The following TASOR variants were observed in gnomAD, a reference collection of about 807,000 sequenced individuals.
The protein encoded by TASOR is protein TASOR.
In TASOR, 53 loss-of-function variants were observed where a neutral mutation model predicts 178.6. The ratio of observed to expected loss-of-function variants is 0.30; its 90% CI spans 0.24 to 0.37. The LOEUF is 0.37. Ranked by LOEUF, TASOR falls within the 10% of genes least tolerant of loss-of-function variation. The pLI is 1.00. For missense variants in TASOR, 1,815 were observed against 1,971.4 expected, an observed-to-expected ratio of 0.92 and a Z score of 1.50; for synonymous variants, 713 against 696.2, an observed-to-expected ratio of 1.02 and a Z score of -0.38.
intron 17 of TASOR, among the ~76,000 whole-genome samples, chr3:56,637,152 G>C (rs1016949523): frequency 2.6e-5 from 4 of 152,208 alleles, no homozygotes; most frequent in African/African-American, 4.8e-5. Context: ...ACTTACTTGG[G>C]AACAAGGAGA....
chr3:56,638,662 G>A (rs2077063742), intron 17 of TASOR, 44 bp downstream of exon 17: 1 of 1,606,492 alleles, frequency 6.2e-7, no homozygotes, highest in Non-Finnish European at 8.5e-7. Flanking sequence ...TAGCAACTCT[G>A]AAGAAGGGCA....
At chr3:56,655,197 G>C (rs763133121) in intron 11 of TASOR, among the ~76,000 whole-genome samples, 3 of 152,028 alleles carry the variant, frequency 2.0e-5, no homozygotes, top group African/African-American at 4.8e-5. Context: ...ATGTTATAAG[G>C]CTTTTTTTTC....
chr3:56,673,514 A>AT (rs2030962017), intron 2 of TASOR, 66 bp downstream of exon 2: 4 of 1,283,394 alleles, frequency 3.1e-6, no homozygotes, highest in Middle Eastern at 2.0e-4. Context: ...TCTAGAGAAC[A>AT]TTTTTTTCCC....
rs371461299 is a variant in TASOR, at chr3:56,633,369, G to C, written c.3422C>G (p.Pro1141Arg). The change falls in exon 18 of 24, where the codon CCT becomes CGT. Residue 1141 changes from proline (P) to arginine (R), a missense_variant. Transcript: ENST00000683822. ...KHLLEPLCSD[P>R]LKDTNSDEQH... ...CTCATCAGAGTTGGTATCTTTCAAA[G>C]GATCACTACACAGTGGCTCAAGGAG... The C allele has an allele frequency of 1.6e-5, 26 of 1,614,028 alleles. No homozygotes were observed. The highest frequency in any genetic ancestry group is 2.2e-5 in the Non-Finnish European group (26 of 1,180,024).
chr3:56,627,109 A>C lies in TASOR; in HGVS notation c.4067T>G (p.Leu1356Arg), dbSNP rs1209496533. The change falls in exon 21 of 24, where the codon CTT becomes CGT. Residue 1356 changes from leucine (L) to arginine (R), a missense_variant. Coordinates refer to ENST00000683822, the MANE Select transcript of TASOR (RefSeq NM_001365635.2). Reference sequence around the variant, plus strand: ...TTGCCATTTTCCTTCTGGAGTACTAAGTTCCTCAAGGAATGTCAAAAAATT... The same window carrying C: ...TTGCCATTTTCCTTCTGGAGTACTACGTTCCTCAAGGAATGTCAAAAAATT... ...LKNFLTFLEELSTPEGKWQWK... is the reference protein window; with the variant it reads ...LKNFLTFLEERSTPEGKWQWK... The C allele has an allele frequency of 1.2e-6, 2 of 1,612,060 alleles. No individual in the cohort carries two copies. The highest frequency in any genetic ancestry group is 2.7e-5 in the African/African-American group (2 of 74,808).
chr3:56,666,167 G>A, intron 7 of TASOR, 93 bp downstream of exon 7: 1 of 1,094,016 alleles, frequency 9.1e-7, no homozygotes, highest in Non-Finnish European at 1.2e-6. Context: ...AAAAAAAAAT[G>A]GGAAGGAAAC....
At chr3:56,649,837 G>A (rs780992458) in intron 11 of TASOR, among the ~76,000 whole-genome samples, 30 of 152,220 alleles carry the variant, frequency 2.0e-4, no homozygotes, top group Non-Finnish European at 3.2e-4. Flanking sequence ...ATGAGCAAAG[G>A]TGAGTTGTAA....
intron 11 of TASOR, among the ~76,000 whole-genome samples, chr3:56,658,833 G>A (rs535439752): frequency 1.3e-5 from 2 of 152,022 alleles, no homozygotes; most frequent in African/African-American, 4.8e-5. Flanking sequence ...CTTGAACCCG[G>A]AAGGTTGAAC....
chr3:56,649,522 C>T lies in TASOR; in HGVS notation c.1369-465G>A, dbSNP rs933213823. On this transcript the variant is annotated intron_variant, in intron 11 of 23. Coordinates refer to ENST00000683822, the MANE Select transcript of TASOR (RefSeq NM_001365635.2). ...TCTAACTGCACACATATTACATGAACACTTTTCACATGTAAGGGAATTTGC... is the reference window on the plus strand; with the variant it reads ...TCTAACTGCACACATATTACATGAATACTTTTCACATGTAAGGGAATTTGC... Among the ~76,000 whole-genome samples, 3 of 152,180 alleles carry T rather than the reference C, an allele frequency of 2.0e-5. No homozygotes were observed. In the East Asian group the frequency reaches 5.8e-4, roughly 29 times the overall value.
chr3:56,632,768 G>A (rs2076942487), intron 18 of TASOR, among the ~76,000 whole-genome samples: 3 of 152,002 alleles, frequency 2.0e-5, no homozygotes, highest in Admixed American at 2.0e-4. Flanking sequence ...AGCTTCCCAA[G>A]CAGCTGGGAC....
At chr3:56,671,844 T>G (rs2030770878) in intron 2 of TASOR, among the ~76,000 whole-genome samples, 152 bp from the exon 3 acceptor site, 1 of 152,166 alleles carries the variant, frequency 6.6e-6, no homozygotes, top group Non-Finnish European at 1.5e-5. Context: ...GTTTTTCCCC[T>G]ATTTTAACTG....
intron 1 of TASOR, among the ~76,000 whole-genome samples, chr3:56,682,217 G>A (rs558951517): frequency 1.3e-5 from 2 of 152,322 alleles, no homozygotes; most frequent in African/African-American, 4.8e-5. Context: ...TAGACACACA[G>A]AACTGAAGAA....
intron 1 of TASOR, among the ~76,000 whole-genome samples, chr3:56,681,630 AAAC>A (rs1214488498): frequency 6.6e-6 from 1 of 152,258 alleles, no homozygotes; most frequent in African/African-American, 2.4e-5. Context: ...TACGGGAAAA[AAAC>A]AAATCCTATT....
intron 11 of TASOR, among the ~76,000 whole-genome samples, chr3:56,655,995 T>C (rs1183048908): frequency 4.6e-5 from 7 of 152,178 alleles, no homozygotes; most frequent in African/African-American, 7.2e-5. Context: ...TGAAAACTAA[T>C]TTAAAACTTA....
In TASOR at chr3:56,682,655, GAGA is replaced by G. The variant is rs1270291451; in HGVS notation, c.331+18_331+20del. 1.6e-5 allele frequency: 23 copies of G among 1,446,206 alleles called. No homozygotes were observed. In the Admixed American group the frequency reaches 2.0e-4, roughly 13 times the overall value. 89.6% of individuals were successfully genotyped at this position (1,446,206 alleles called of 1,614,324 possible). A position where few individuals can be genotyped will look rare whatever the true frequency, so the allele number is the denominator to read the frequency against. ...ATGGAGGGGAGAGAGAGAGGGGGTTGAGAAGAAGGGGAGGCACCACCTTTCTTT... is the reference window on the plus strand; with the variant it reads ...ATGGAGGGGAGAGAGAGAGGGGGTTGAGAAGGGGAGGCACCACCTTTCTTT... On this transcript the variant is annotated intron_variant, in intron 1 of 23. Coordinates refer to ENST00000683822, the MANE Select transcript of TASOR (RefSeq NM_001365635.2).
chr3:56,682,387 G>T (rs1406318287), intron 1 of TASOR, among the ~76,000 whole-genome samples: 1 of 151,978 alleles, frequency 6.6e-6, no homozygotes, highest in Non-Finnish European at 1.5e-5. Context: ...TGGGAGGGAG[G>T]GGCGCCGAGC....
chr3:56,630,177 G>A (rs2076879606), intron 18 of TASOR, among the ~76,000 whole-genome samples: 1 of 152,060 alleles, frequency 6.6e-6, no homozygotes, highest in Non-Finnish European at 1.5e-5. Context: ...ATGTCAATCA[G>A]GATGGTCCCA....
Position 56,646,660 on chromosome 3 carries a change from T to C in TASOR, c.2077A>G (p.Lys693Glu). The change falls in exon 14 of 24, where the codon AAG becomes GAG. Residue 693 changes from lysine (K) to glutamate (E), a missense_variant. Physicochemically the swap from Lys to Glu is moderately conservative, Grantham distance 56. Around this residue, in one of 5 missense-constraint regions of TASOR, gnomAD observed 504 missense variants for 645.3 expected, o/e 0.78. Transcript: ENST00000683822. ...ELINLIQCRK[K>E]SVGGDSDTED... ...GTGTCTGAGTCCCCACCCACACTCT[T>C]TTTCCTACACTGAATTAAATTAATC... The C allele has an allele frequency of 6.2e-7, 1 of 1,613,800 alleles. No individual in the cohort carries two copies. Among genetic ancestry groups the C allele is most frequent in the Non-Finnish European group, 8.5e-7 (1 of 1,180,018 alleles).
chr3:56,623,007 A>G lies in TASOR; in HGVS notation c.*30T>C, dbSNP rs368501493. The stretch of plus-strand genomic sequence containing the variant: ...TAAATTGTTAATAAACAAAGTCCAC[A>G]ACAATCTCTTAAAAAAAAAGTTACT... On this transcript the variant is annotated 3_prime_UTR_variant, in exon 24 of 24. Coordinates refer to ENST00000683822, the MANE Select transcript of TASOR (RefSeq NM_001365635.2). 6.1e-5 allele frequency: 85 copies of G among 1,399,856 alleles called. No homozygotes were observed. In the African/African-American group the frequency reaches 7.1e-4, roughly 12 times the overall value. 86.7% of individuals were successfully genotyped at this position (1,399,856 alleles called of 1,614,324 possible). A position where few individuals can be genotyped will look rare whatever the true frequency, so the allele number is the denominator to read the frequency against.
Sources: gnomAD v4.1 joint callset for allele counts (sites outside exome capture counted in the v4.1 genomes callset) on GRCh38, gnomAD v4.1.1 for gene constraint, gnomAD v4.1.1 regional missense constraint, MANE v1.5 for transcripts, NCBI Gene and HGNC (gene_info 2026-07-23, HGNC 2026-07-21) for gene names.